Variants in COL5A1 observed in about 807,000 individuals in gnomAD.
COL5A1 encodes collagen type V alpha 1 chain, also known as collagen alpha-1(V) chain.
In COL5A1, 16 loss-of-function variants were observed where a neutral mutation model predicts 263.7. That is an observed-to-expected ratio of 0.06 (90% CI 0.04 to 0.09). The LOEUF (loss-of-function observed/expected upper bound fraction) is 0.09, where lower values mean the gene tolerates loss of function less well. COL5A1 is among the 10% of genes least tolerant of loss of function. COL5A1 has a pLI of 1.00. For synonymous variants in COL5A1, 1,012 were observed against 1,004.5 expected, an observed-to-expected ratio of 1.01 and a Z score of -0.14; for missense variants, 2,036 against 2,540.5, an observed-to-expected ratio of 0.80 and a Z score of 4.27.
At position 134,819,387 on chromosome 9, in the gene COL5A1, C is replaced by G. The variant is rs372115886; in HGVS notation, c.4446+334C>G. Among the ~76,000 whole-genome samples, 153 of 152,354 alleles carry G rather than the reference C, an allele frequency of 1.0e-3. 1 individual carries two copies. Among genetic ancestry groups the G allele is most frequent in the African/African-American group, 3.5e-3 (147 of 41,576 alleles). ...TCCCTGGGCTGAGCGGCCCCAGATC[C>G]TTTCCGCAGGAGGTGTGAGGACATT... On this transcript the variant is annotated intron_variant, in intron 57 of 65. Coordinates refer to ENST00000371817, the MANE Select transcript of COL5A1 (RefSeq NM_000093.5).
intron 18 of COL5A1, among the ~76,000 whole-genome samples, chr9:134,761,124 C>T (rs1189639361): frequency 1.3e-5 from 2 of 150,760 alleles, no homozygotes; most frequent in African/African-American, 2.5e-5. Flanking sequence ...CACATGCACA[C>T]TCATACCCCC....
chr9:134,813,193 C>CGT lies in COL5A1; in HGVS notation c.3852+495_3852+496dup, dbSNP rs976490640. On this transcript the variant is annotated intron_variant, in intron 48 of 65. Coordinates refer to ENST00000371817, the MANE Select transcript of COL5A1 (RefSeq NM_000093.5). Reference sequence around the variant, plus strand: ...ACTCCATGAGCGTCATGGACCCAGTCGTGTGTGTGTGTGTGCCTGTGTGTG... The same window carrying CGT: ...ACTCCATGAGCGTCATGGACCCAGTCGTGTGTGTGTGTGTGTGCCTGTGTGTG... 2.3e-4 allele frequency among the ~76,000 whole-genome samples: 35 copies of CGT among 149,896 alleles called. No individual in the cohort carries two copies. In the East Asian group the frequency reaches 4.6e-3, roughly 20 times the overall value.
In COL5A1 at chr9:134,844,807, T is replaced by G. The variant is rs1457281485; in HGVS notation, c.*2504T>G. ...ACAAAGGAATAATTAACTGTAATAG[T>G]TTTTCAATAAATCGAGTTGGGTGTT... is the stretch of plus-strand genomic sequence containing the variant. On this transcript the variant is annotated 3_prime_UTR_variant, in exon 66 of 66. Transcript: ENST00000371817. 1 of 152,178 alleles carries G rather than the reference T, an allele frequency of 6.6e-6. No homozygotes were observed. The highest frequency in any genetic ancestry group is 1.5e-5 in the Non-Finnish European group (1 of 68,038). The allele number at this position is 152,178 out of a possible 1,614,324, so 9.4% of individuals were successfully genotyped here.
chr9:134,825,867 G>T lies in COL5A1; in HGVS notation c.5030G>T (p.Gly1677Val), dbSNP rs1839243733. 1 of 1,613,278 alleles carries T rather than the reference G, an allele frequency of 6.2e-7. No homozygotes were observed. ...FKVYCNFTAG[G>V]STCVFPDKKS... is the part of the protein sequence containing the mutation. ...GTTTACTGCAACTTCACAGCCGGGG[G>T]GTCGACATGCGTCTTCCCTGACAAG... Residue 1677 changes from glycine (G) to valine (V), a missense_variant, in exon 63 of 66, where the codon GGG becomes GTG. Gly to Val is a moderately radical substitution (Grantham distance 109). This residue lies in a region of COL5A1 where 358 missense variants were observed against 384.6 expected (regional missense o/e 0.93). Transcript: ENST00000371817.
Position 134,814,877 on chromosome 9 carries a change from C to G in COL5A1, c.3987C>G (p.Pro1329=), listed in dbSNP as rs770802769. Residue 1329 remains proline, a synonymous_variant, in exon 50 of 66, where the codon CCC becomes CCG. Coordinates refer to ENST00000371817, the MANE Select transcript of COL5A1 (RefSeq NM_000093.5). ...AAGPPGPKGP[P]GDDGPKGSPG... ...GACCCCCTGGACCCAAAGGCCCTCCCGGAGATGATGGTCCCAAAGGCAGCC... is the reference window on the plus strand; with the variant it reads ...GACCCCCTGGACCCAAAGGCCCTCCGGGAGATGATGGTCCCAAAGGCAGCC... The G allele has an allele frequency of 1.3e-6, 2 of 1,551,124 alleles. No individual in the cohort carries two copies. The highest frequency in any genetic ancestry group is 1.7e-6 in the Non-Finnish European group (2 of 1,146,984).
rs138658974 is a variant in COL5A1, at chr9:134,763,363, C to G, written c.1990-330C>G. Among the ~76,000 whole-genome samples, 65 of 152,324 alleles carry G rather than the reference C, an allele frequency of 4.3e-4. No homozygotes were observed. The East Asian group carries it at 0.011, about 26-fold the overall frequency. ...GATCTTGTGACTCTCCCCTGATGCC[C>G]TGTCCTGCCCCAGAGGCTGTCATTC... On this transcript the variant is annotated intron_variant, in intron 19 of 65. Transcript: ENST00000371817.
intron 28 of COL5A1, 39 bp from the exon 29 acceptor site, chr9:134,782,628 T>C: frequency 6.2e-7 from 1 of 1,606,860 alleles, no homozygotes; most frequent in Non-Finnish European, 8.5e-7. Context: ...AGGCGGGTCC[T>C]CTTGCCTAGA....
chr9:134,649,506 T>C (rs1214766905), intron 1 of COL5A1: 1 of 471,298 alleles, frequency 2.1e-6, no homozygotes, highest in South Asian at 1.6e-5. Context: ...CCCGTGTTCT[T>C]GTAGGGAAAT....
intron 4 of COL5A1, among the ~76,000 whole-genome samples, chr9:134,722,301 C>T (rs904075880): frequency 8.5e-5 from 13 of 152,208 alleles, no homozygotes; most frequent in Non-Finnish European, 1.3e-4. Flanking sequence ...GGGATCAGAG[C>T]GCCGGGCACC....
chr9:134,775,232 G>A (rs533461284), intron 27 of COL5A1, among the ~76,000 whole-genome samples: 2 of 152,354 alleles, frequency 1.3e-5, no homozygotes, highest in African/African-American at 4.8e-5. Flanking sequence ...CTCTTTAATT[G>A]TTGCCATTTG....
chr9:134,750,447 C>T lies in COL5A1; in HGVS notation c.1495-95C>T, dbSNP rs12347941. 11,094 of 1,127,546 alleles carry T rather than the reference C, an allele frequency of 9.8e-3. 109 individuals carry two copies. The highest frequency in any genetic ancestry group is 0.039 in the African/African-American group (2,530 of 65,504). 69.8% of individuals were successfully genotyped at this position (1,127,546 alleles called of 1,614,324 possible). A position where few individuals can be genotyped will look rare whatever the true frequency, so the allele number is the denominator to read the frequency against. On this transcript the variant is annotated intron_variant, in intron 11 of 65. Transcript: ENST00000371817. ...TTCTGTGCGTGTCCAGTGCATTTCC[C>T]GGGTGGGCCGCTTCTCCGACGCCCT...
At position 134,806,221 on chromosome 9, in the gene COL5A1, C is replaced by T. The variant is rs371821655; in HGVS notation, c.3291C>T (p.Ala1097=). The change falls in exon 42 of 66, where the codon GCC becomes GCT. Residue 1097 remains alanine, a synonymous_variant. Transcript: ENST00000371817. ...GSPGERGPAG[A]AGPIGIPGRP... ...CAGGGGAGAGAGGTCCAGCTGGAGC[C>T]GCTGGGCCCATCGGAATTCCAGGGA... 1.2e-4 allele frequency: 181 copies of T among 1,550,638 alleles called. No individual in the cohort carries two copies. The highest frequency in any genetic ancestry group is 3.5e-4 in the Middle Eastern group (2 of 5,710).
Position 134,835,028 on chromosome 9 carries a change from C to T in COL5A1, c.5194C>T (p.Arg1732Trp), listed in dbSNP as rs201379514. 29 of 1,613,478 alleles carry T rather than the reference C, an allele frequency of 1.8e-5. No homozygotes were observed. The highest frequency in any genetic ancestry group is 8.8e-5 in the South Asian group (8 of 91,076). Reference sequence around the variant, plus strand: ...GGGTGTGGTACAGATGACCTTCCTGCGGCTGCTGAGCGCCTCTGCCCACCA... The same window carrying T: ...GGGTGTGGTACAGATGACCTTCCTGTGGCTGCTGAGCGCCTCTGCCCACCA... ...PVGVVQMTFL[R>W]LLSASAHQNV... Residue 1732 changes from arginine to tryptophan, a missense_variant, in exon 65 of 66, where the codon CGG becomes TGG. Physicochemically the swap from Arg to Trp is moderately radical, Grantham distance 101. Transcript: ENST00000371817.
At chr9:134,724,960 C>G (rs984250169) in intron 4 of COL5A1, among the ~76,000 whole-genome samples, 1 of 152,070 alleles carries the variant, frequency 6.6e-6, no homozygotes, top group Non-Finnish European at 1.5e-5. Context: ...GGTTGGGCAC[C>G]CTGACCCTGC....
intron 43 of COL5A1, among the ~76,000 whole-genome samples, chr9:134,809,681 T>C (rs1478926985): frequency 6.6e-6 from 1 of 152,258 alleles, no homozygotes; most frequent in East Asian, 1.9e-4. Flanking sequence ...CCGCTTGAAT[T>C]ATCCAGGCTC....
At chr9:134,654,210 A>AGCTGGTGTGTGTAGG (rs1831814201) in intron 1 of COL5A1, among the ~76,000 whole-genome samples, 1 of 24,198 alleles carries the variant, frequency 4.1e-5, no homozygotes, top group Non-Finnish European at 8.2e-5. Flanking sequence ...AGGTTTGTAG[A>AGCTGGTGTGTGTAGG]GCTGGTGTGT....
chr9:134,776,271 A>G (rs1371043013), intron 27 of COL5A1, among the ~76,000 whole-genome samples: 2 of 152,354 alleles, frequency 1.3e-5, no homozygotes, highest in East Asian at 1.9e-4. Flanking sequence ...TGTGAGTTCT[A>G]TAGCATGTTT....
intron 36 of COL5A1, 96 bp downstream of exon 36, chr9:134,796,997 C>T (rs976826530): frequency 1.5e-5 from 19 of 1,262,728 alleles, no homozygotes; most frequent in Admixed American, 5.2e-5. Flanking sequence ...GAGGTCTGCT[C>T]GGAGCTCCTC....
rs1365425450 is a variant in COL5A1 at position 134,754,765 on chromosome 9, TC to T, written c.1827+441del. Among the ~76,000 whole-genome samples, 1 of 152,158 alleles carries T rather than the reference TC, an allele frequency of 6.6e-6. No homozygotes were observed. Among genetic ancestry groups the T allele is most frequent in the Non-Finnish European group, 1.5e-5 (1 of 68,024 alleles). ...GAATTTTCTGTCTGGTGCATGGTTC[TC>T]CTGGATGGAACTGGTTTGTTTGCAC... On this transcript the variant is annotated intron_variant, in intron 16 of 65. Transcript: ENST00000371817. This position sits in a 1 kb window ranked among gnomAD's most constrained non-coding sequence, Gnocchi z 4.3.
Sources: allele counts gnomAD v4.1 joint callset (sites outside exome capture counted in the v4.1 genomes callset), GRCh38; gene constraint gnomAD v4.1.1; regional missense constraint gnomAD v4.1.1; non-coding constraint Gnocchi (gnomAD v3.1); transcripts MANE v1.5; gene names NCBI Gene and HGNC (gene_info 2026-07-23, HGNC 2026-07-21).